PCDHA3: variants seen among roughly 807,000 people sequenced by gnomAD.
PCDHA3 encodes protocadherin alpha 3, also known as protocadherin alpha-3.
A neutral mutation model predicts 62.2 loss-of-function variants in PCDHA3; 41 were observed. The observed-to-expected ratio is 0.66, with a 90% CI of 0.51 to 0.86. The LOEUF is 0.86. Among genes scored for constraint, PCDHA3 ranks in the 40% least tolerant of loss-of-function variants. The pLI is 0.00. For synonymous variants in PCDHA3, 640 were observed against 555.4 expected, an observed-to-expected ratio of 1.15 and a Z score of -2.14; for missense variants, 1,304 against 1,241.2, an observed-to-expected ratio of 1.05 and a Z score of -0.76.
intron 3 of PCDHA3, among the ~76,000 whole-genome samples, chr5:140,991,523 T>A (rs73268060): frequency 0.032 from 4,843 of 152,294 alleles, 263 homozygotes; most frequent in African/African-American, 0.11. Flanking sequence ...CAAGGTGTGT[T>A]CTTGCCACTA....
chr5:140,975,588 A>G (rs2096673583), intron 1 of PCDHA3, among the ~76,000 whole-genome samples: 1 of 152,210 alleles, frequency 6.6e-6, no homozygotes, highest in South Asian at 2.1e-4. Context: ...CATGTCCCAG[A>G]GGGCAATTTG....
rs1318602549 is a variant in PCDHA3, at chr5:140,842,870, G to T, written c.2394+39279G>T. On this transcript the variant is annotated intron_variant, in intron 1 of 3. Coordinates refer to ENST00000522353, the MANE Select transcript of PCDHA3 (RefSeq NM_018906.3). ...TTCGGTGCACACGGAGAGCGGCAAG[G>T]TGTACGCGCTGCAGCCGCTGGACCA... 4.4e-6 allele frequency: 7 copies of T among 1,593,934 alleles called. 1 individual carries two copies. Among genetic ancestry groups the T allele is most frequent in the Non-Finnish European group, 6.0e-6 (7 of 1,165,422 alleles).
At chr5:140,829,748 G>C in intron 1 of PCDHA3, 1 of 1,613,722 alleles carries the variant, frequency 6.2e-7, no homozygotes, top group Non-Finnish European at 8.5e-7. Context: ...GACGCTGCAG[G>C]TGTTCGTGCT....
chr5:140,849,603 G>A lies in PCDHA3; in HGVS notation c.2394+46012G>A, dbSNP rs2150442213. On this transcript the variant is annotated intron_variant, in intron 1 of 3. Transcript: ENST00000522353. ...GGACGCACAACTGGGGACAGTTATT[G>A]CCCTGATTAGTGTGATCGACCTAGA... The A allele has an allele frequency of 3.8e-5, 60 of 1,598,580 alleles. 9 individuals are homozygous for A. Among genetic ancestry groups the A allele is most frequent in the Non-Finnish European group, 5.1e-5 (59 of 1,167,940 alleles).
intron 1 of PCDHA3, chr5:140,842,515 G>A (rs2150337754): frequency 5.6e-6 from 9 of 1,613,534 alleles, no homozygotes; most frequent in Non-Finnish European, 1.7e-6. Flanking sequence ...TCAAGCTGGT[G>A]TCCACCTTCA....
In PCDHA3 at chr5:140,823,746, G is replaced by A. The variant is rs1554129586; in HGVS notation, c.2394+20155G>A. On this transcript the variant is annotated intron_variant, in intron 1 of 3. Transcript: ENST00000522353. ...TGGTGAAGGACCATGGAGAGCCCCC[G>A]CTGACAGCCACAGCCACAGTGCTGG... 6 of 1,613,840 alleles carry A rather than the reference G, an allele frequency of 3.7e-6. No homozygotes were observed. The East Asian group carries it at 6.7e-5, about 18-fold the overall frequency.
rs536794003 is a variant in PCDHA3, at chr5:140,982,215, G to A, written c.2454-260G>A. Reference sequence around the variant, plus strand: ...CTGTTAGATTTAGTGAGCGCCACATGGCGTTAATAAAAAACAGAATTGCCA... The same window carrying A: ...CTGTTAGATTTAGTGAGCGCCACATAGCGTTAATAAAAAACAGAATTGCCA... On this transcript the variant is annotated intron_variant, in intron 2 of 3. Coordinates refer to ENST00000522353, the MANE Select transcript of PCDHA3 (RefSeq NM_018906.3). The A allele has an allele frequency of 2.0e-5, 10 of 491,624 alleles. No individual in the cohort carries two copies. In the South Asian group the frequency reaches 3.6e-4, roughly 18 times the overall value. The allele number at this position is 491,624 out of a possible 1,614,324, so 30.5% of individuals were successfully genotyped here. A position where few individuals can be genotyped will look rare whatever the true frequency, so the allele number is the denominator to read the frequency against.
intron 3 of PCDHA3, among the ~76,000 whole-genome samples, chr5:141,005,688 C>T (rs1411519222): frequency 2.8e-5 from 3 of 107,694 alleles, no homozygotes; most frequent in African/African-American, 7.9e-5. Context: ...GGCGACAGAG[C>T]GAAACTCCGT....
chr5:140,891,688 T>G (rs2063203967), intron 1 of PCDHA3, among the ~76,000 whole-genome samples: 1 of 152,224 alleles, frequency 6.6e-6, no homozygotes, highest in Non-Finnish European at 1.5e-5. Flanking sequence ...TCTCTCTTCT[T>G]GCTGTTGTCT....
Position 140,801,380 on chromosome 5 carries a change from G to A in PCDHA3, c.183G>A (p.Pro61=). Residue 61 remains proline (P), a synonymous_variant, in exon 1 of 4, where the codon CCG becomes CCA. Coordinates refer to ENST00000522353, the MANE Select transcript of PCDHA3 (RefSeq NM_018906.3). Reference sequence around the variant, plus strand: ...GGCTGGAGCTGGCGGAGCTGGTGCCGCGCCTGTTCCGGGTGGCGTCCAAAA... The same window carrying A: ...GGCTGGAGCTGGCGGAGCTGGTGCCACGCCTGTTCCGGGTGGCGTCCAAAA... ...DLGLELAELV[P]RLFRVASKRH... 1 of 1,613,540 alleles carries A rather than the reference G, an allele frequency of 6.2e-7. No homozygotes were observed. Among genetic ancestry groups the A allele is most frequent in the East Asian group, 2.2e-5 (1 of 44,892 alleles).
At chr5:140,966,730 C>T in intron 1 of PCDHA3, 1 of 1,405,456 alleles carries the variant, frequency 7.1e-7, no homozygotes, top group Non-Finnish European at 9.2e-7. Context: ...CTGCCGCCTC[C>T]GGCCCTGCCC....
rs1357765961 is a variant in PCDHA3 at position 140,802,908 on chromosome 5, G to C, written c.1711G>C (p.Gly571Arg). The change falls in exon 1 of 4, where the codon GGT (glycine) becomes CGT (arginine). Residue 571 changes from glycine to arginine, a missense_variant. By Grantham distance (125) the Gly-to-Arg change is moderately radical. Coordinates refer to ENST00000522353, the MANE Select transcript of PCDHA3 (RefSeq NM_018906.3). ...GCCGGCACTGCTGATGCCTCGGGTGGGTGGCATCGGTGGCGCAGTGAGCGA... is the reference window on the plus strand; with the variant it reads ...GCCGGCACTGCTGATGCCTCGGGTGCGTGGCATCGGTGGCGCAGTGAGCGA... ...NAPALLMPRV[G>R]GIGGAVSELV... 2.5e-6 allele frequency: 4 copies of C among 1,613,754 alleles called. No homozygotes were observed. Among genetic ancestry groups the C allele is most frequent in the Non-Finnish European group, 3.4e-6 (4 of 1,179,884 alleles).
intron 1 of PCDHA3, chr5:140,811,615 A>C (rs552512515): frequency 1.3e-5 from 2 of 152,228 alleles, no homozygotes; most frequent in African/African-American, 4.8e-5. Flanking sequence ...CACTCCCACC[A>C]ACGGTGTAAA....
intron 1 of PCDHA3, among the ~76,000 whole-genome samples, chr5:140,917,287 G>C (rs190210744): frequency 6.8e-6 from 1 of 147,568 alleles, no homozygotes; most frequent in Non-Finnish European, 1.5e-5. Context: ...ACGCTTTTCC[G>C]TGTGCAGATA....
At chr5:140,996,355 G>A (rs1164124431) in intron 3 of PCDHA3, among the ~76,000 whole-genome samples, 1 of 152,218 alleles carries the variant, frequency 6.6e-6, no homozygotes, top group Non-Finnish European at 1.5e-5. Flanking sequence ...ACCAAAGTCA[G>A]AAGCCATTTT....
chr5:140,897,726 A>T (rs149995278), intron 1 of PCDHA3, among the ~76,000 whole-genome samples: 22,632 of 152,088 alleles, frequency 0.15, 1,739 homozygotes, highest in Middle Eastern at 0.2. Flanking sequence ...GCTGGGTCAA[A>T]TAGTATTTCT....
intron 3 of PCDHA3, among the ~76,000 whole-genome samples, chr5:140,994,024 A>G (rs1440214596): frequency 6.6e-6 from 1 of 152,234 alleles, no homozygotes; most frequent in East Asian, 1.9e-4. Context: ...TGATGCAGAT[A>G]TAATATTAAA....
rs574825520 is a variant in PCDHA3, at chr5:140,801,343, C to T, written c.146C>T (p.Ala49Val). 300 of 1,613,294 alleles carry T rather than the reference C, an allele frequency of 1.9e-4. 1 individual carries two copies. In the South Asian group the frequency reaches 3.0e-3, roughly 16 times the overall value. ...AKHGTFVGRI[A>V]QDLGLELAEL... ...CATGGCACCTTCGTGGGCCGCATCG[C>T]GCAGGACCTGGGGCTGGAGCTGGCG... Residue 49 changes from alanine (A) to valine (V), a missense_variant, in exon 1 of 4, where the codon GCG becomes GTG. Physicochemically the swap from Ala to Val is moderately conservative, Grantham distance 64 (BLOSUM62 0). Coordinates refer to ENST00000522353, the MANE Select transcript of PCDHA3 (RefSeq NM_018906.3).
chr5:140,861,270 A>G (rs900401240), intron 1 of PCDHA3: 2 of 180,284 alleles, frequency 1.1e-5, no homozygotes, highest in South Asian at 1.2e-4. Flanking sequence ...AGCCTACAGC[A>G]CTGGCTTCTG....
Sources: gnomAD v4.1 joint callset for allele counts (sites outside exome capture counted in the v4.1 genomes callset) on GRCh38, gnomAD v4.1.1 for gene constraint, MANE v1.5 for transcripts, NCBI Gene and HGNC (gene_info 2026-07-23, HGNC 2026-07-21) for gene names.